The following BRD10 variants were observed in gnomAD, a reference collection of about 807,000 sequenced individuals.
BRD10 encodes uncharacterized bromodomain-containing protein 10.
chr9:5,942,567 C>T, the BRD10 span, among the ~76,000 whole-genome samples: 9 of 152,026 alleles, frequency 5.9e-5, no homozygotes, highest in East Asian at 9.6e-4. Context: ...TTGCTTTTTG[C>T]TATGTGGCTG....
the BRD10 span, among the ~76,000 whole-genome samples, chr9:5,967,103 C>G: frequency 2.0e-5 from 3 of 152,128 alleles, no homozygotes; most frequent in African/African-American, 7.2e-5. Context: ...TTTGCCAAAT[C>G]TTACTTTTGC....
chr9:5,922,414 A>C, the BRD10 span: 23 of 1,614,024 alleles, frequency 1.4e-5, no homozygotes, highest in Non-Finnish European at 1.9e-5. Flanking sequence ...TTAATAAGTT[A>C]CTTACAGAGG....
chr9:6,001,539 T>C, the BRD10 span, among the ~76,000 whole-genome samples: 1 of 152,226 alleles, frequency 6.6e-6, no homozygotes, highest in Admixed American at 6.5e-5. Context: ...TGCCTCCAAA[T>C]ACCTAACTTT....
the BRD10 span, chr9:5,929,128 T>C: frequency 1.2e-6 from 2 of 1,603,180 alleles, no homozygotes; most frequent in Non-Finnish European, 1.7e-6. Flanking sequence ...ATGTAATTCT[T>C]TTACAGCTTG....
chr9:5,899,684 G>T, the BRD10 span, among the ~76,000 whole-genome samples: 1 of 152,192 alleles, frequency 6.6e-6, no homozygotes, highest in Admixed American at 6.5e-5. Flanking sequence ...CTAGCATGGG[G>T]TTATGACATT....
the BRD10 span, among the ~76,000 whole-genome samples, chr9:5,927,142 T>G: frequency 6.6e-6 from 1 of 152,186 alleles, no homozygotes; most frequent in Non-Finnish European, 1.5e-5. Flanking sequence ...CTTCTCACTC[T>G]CAGTAACCTT....
the BRD10 span, among the ~76,000 whole-genome samples, chr9:6,002,014 A>C: frequency 3.3e-5 from 5 of 152,238 alleles, no homozygotes; most frequent in Non-Finnish European, 5.9e-5. Flanking sequence ...ATGTCCTAGC[A>C]AAAAAATCAT....
At chr9:5,889,417 T>A in the BRD10 span, among the ~76,000 whole-genome samples, 4 of 152,236 alleles carry the variant, frequency 2.6e-5, no homozygotes, top group African/African-American at 9.6e-5. Flanking sequence ...TGAATGTGTA[T>A]GCTACAGGAA....
the BRD10 span, among the ~76,000 whole-genome samples, chr9:5,889,591 C>G: frequency 6.6e-6 from 1 of 152,074 alleles, no homozygotes; most frequent in Non-Finnish European, 1.5e-5. Context: ...TCGAGACCAT[C>G]CTGGCCAACA....
chr9:5,983,408 C>T, the BRD10 span, among the ~76,000 whole-genome samples: 1 of 152,112 alleles, frequency 6.6e-6, no homozygotes, highest in African/African-American at 2.4e-5. Context: ...GCAATGTTCA[C>T]AATGTCTAAT....
chr9:5,911,386 G>A, the BRD10 span, among the ~76,000 whole-genome samples: 15 of 105,180 alleles, frequency 1.4e-4, no homozygotes, highest in African/African-American at 5.5e-4. Context: ...TCTCTATTGT[G>A]TTTCATTGGT....
chr9:5,920,652 A>AT, the BRD10 span: 9 of 1,613,950 alleles, frequency 5.6e-6, no homozygotes, highest in Non-Finnish European at 7.6e-6. Context: ...GAAGTCCGAG[A>AT]TTGTCTTTTA....
chr9:5,882,524 C>G, the BRD10 span, among the ~76,000 whole-genome samples: 3 of 152,210 alleles, frequency 2.0e-5, no homozygotes, highest in African/African-American at 7.2e-5. Flanking sequence ...TGCAAAACCA[C>G]AGCCTTGCAC....
chr9:5,991,285 G>C, the BRD10 span, among the ~76,000 whole-genome samples: 1 of 151,984 alleles, frequency 6.6e-6, no homozygotes, highest in Non-Finnish European at 1.5e-5. Context: ...TAGTGTATCT[G>C]TACATGCATC....
the BRD10 span, chr9:5,921,421 T>C: frequency 5.0e-6 from 8 of 1,613,848 alleles, no homozygotes; most frequent in African/African-American, 1.3e-5. Flanking sequence ...GTTTTAATGA[T>C]TCTGCAACAA....
the BRD10 span, among the ~76,000 whole-genome samples, chr9:5,951,447 T>C: frequency 6.6e-6 from 1 of 152,288 alleles, no homozygotes; most frequent in South Asian, 2.1e-4. Flanking sequence ...AAGGGATCTA[T>C]TATCTATCCA....
At chr9:5,999,011 T>TA in the BRD10 span, among the ~76,000 whole-genome samples, 1 of 152,054 alleles carries the variant, frequency 6.6e-6, no homozygotes, top group Non-Finnish European at 1.5e-5. Flanking sequence ...ATTAAACTGT[T>TA]ACAAATATAA....
chr9:5,989,981 T>A, the BRD10 span, among the ~76,000 whole-genome samples: 1 of 152,234 alleles, frequency 6.6e-6, no homozygotes, highest in Non-Finnish European at 1.5e-5. Context: ...GAGTGTAGGA[T>A]TCTACCAAAC....
At chr9:5,959,179 T>C in the BRD10 span, among the ~76,000 whole-genome samples, 4 of 152,200 alleles carry the variant, frequency 2.6e-5, no homozygotes, top group African/African-American at 4.8e-5. Flanking sequence ...ATCATTGTGA[T>C]AGAAAAGTCA....
Sources: gnomAD v4.1 joint callset for allele counts (sites outside exome capture counted in the v4.1 genomes callset) on GRCh38, gnomAD v4.1.1 for gene constraint, MANE v1.5 for transcripts, NCBI Gene and HGNC (gene_info 2026-07-23, HGNC 2026-07-21) for gene names.